The following NR5A2 variants were observed in gnomAD, a reference collection of about 807,000 sequenced individuals.
The protein encoded by NR5A2 is CYP7A promoter-binding factor.
Under a neutral mutation model 62.7 loss-of-function variants are expected in NR5A2, and 26 were observed. The observed-to-expected ratio is 0.41, with a 90% CI of 0.30 to 0.58. The LOEUF is 0.58. Among genes scored for constraint, NR5A2 ranks in the 20% least tolerant of loss-of-function variants. The probability of loss-of-function intolerance (pLI) is 0.22; values close to 1 mark genes in which losing one functional copy is unlikely to be tolerated. For synonymous variants in NR5A2, 246 were observed against 241.7 expected (o/e 1.02, Z -0.16); for missense variants, 541 against 669.1 (o/e 0.81, Z 2.11).
chr1:200,045,465 A>G lies in NR5A2; in HGVS notation c.344A>G (p.Gln115Arg). The change falls in exon 4 of 8, where the codon CAA becomes CGA. Residue 115 changes from glutamine to arginine, a missense_variant. By Grantham distance (43) the Gln-to-Arg change is conservative (BLOSUM62 1). This residue lies in a region of NR5A2 where 54 missense variants were observed against 123.8 expected (regional missense o/e 0.44). Transcript: ENST00000367362. ...SCKGFFKRTV[Q>R]NNKRYTCIEN... The stretch of plus-strand genomic sequence containing the variant: ...TAGGGATTTTTTAAGCGAACAGTCC[A>G]AAATAATAAAAGGTACACATGTATA... 1 of 1,610,126 alleles carries G rather than the reference A, an allele frequency of 6.2e-7. No homozygotes were observed.
chr1:200,122,435 A>G (rs1057022118), intron 7 of NR5A2, among the ~76,000 whole-genome samples: 11 of 152,208 alleles, frequency 7.2e-5, no homozygotes, highest in African/African-American at 2.7e-4. Context: ...TCTCATTTCA[A>G]TGGTATTTTA....
chr1:200,040,839 C>T (rs906231123), intron 2 of NR5A2, among the ~76,000 whole-genome samples: 8 of 152,320 alleles, frequency 5.3e-5, no homozygotes, highest in Admixed American at 3.3e-4. Flanking sequence ...CTGTAGTCGC[C>T]CTACCGCGGA....
chr1:200,078,490 C>A (rs1337005324), intron 5 of NR5A2, among the ~76,000 whole-genome samples: 1 of 152,210 alleles, frequency 6.6e-6, no homozygotes, highest in Non-Finnish European at 1.5e-5. Context: ...CTAGACCCAA[C>A]AGAGAATACT....
At chr1:200,143,663 G>C (rs1487044280) in intron 7 of NR5A2, among the ~76,000 whole-genome samples, 2 of 123,448 alleles carry the variant, frequency 1.6e-5, no homozygotes. Context: ...TTTTTTTTGA[G>C]ATGGAGTCTC....
chr1:200,137,891 G>A (rs576347314), intron 7 of NR5A2, among the ~76,000 whole-genome samples: 1 of 152,212 alleles, frequency 6.6e-6, no homozygotes, highest in African/African-American at 2.4e-5. Flanking sequence ...TATCAAAAGG[G>A]ATTGGGGTCC....
intron 7 of NR5A2, among the ~76,000 whole-genome samples, chr1:200,137,736 G>T (rs1235534595): frequency 6.6e-6 from 1 of 152,116 alleles, no homozygotes; most frequent in Non-Finnish European, 1.5e-5. Flanking sequence ...TTCTTAGTAT[G>T]TTTCTGATAT....
At chr1:200,037,471 G>A (rs1437705775) in intron 1 of NR5A2, among the ~76,000 whole-genome samples, 3 of 152,162 alleles carry the variant, frequency 2.0e-5, no homozygotes, top group Non-Finnish European at 2.9e-5. Context: ...TGCTGTGGGA[G>A]GAGGTTCTTC....
intron 5 of NR5A2, among the ~76,000 whole-genome samples, chr1:200,092,634 T>C (rs564490341): frequency 3.9e-5 from 6 of 152,254 alleles, no homozygotes; most frequent in Non-Finnish European, 8.8e-5. Flanking sequence ...TGGATGTTTT[T>C]ACATCCTCAT....
chr1:200,135,521 C>CAAA (rs565158746), intron 7 of NR5A2, among the ~76,000 whole-genome samples: 1 of 103,286 alleles, frequency 9.7e-6, no homozygotes, highest in Admixed American at 1.1e-4. Context: ...ACTTCATCTC[C>CAAA]AAAAAAAAAA....
intron 7 of NR5A2, among the ~76,000 whole-genome samples, chr1:200,125,876 T>G (rs1202757860): frequency 6.6e-6 from 1 of 152,172 alleles, no homozygotes. Context: ...AGAGACAGGG[T>G]CCTGCTCTGT....
At chr1:200,108,245 T>G (rs571816414) in intron 5 of NR5A2, among the ~76,000 whole-genome samples, 42 of 151,894 alleles carry the variant, frequency 2.8e-4, no homozygotes, top group African/African-American at 9.2e-4. Context: ...CCACCACACT[T>G]AGCTAATTTT....
At position 200,039,839 on chromosome 1, in the gene NR5A2, AC is replaced by A; in HGVS notation, c.202+49del. ...GCGCTCCGGCTCCCGCTGCTTCCCC[AC>A]CCCCGGGCTCGCCCTGCAGGCTTCA... is the stretch of plus-strand genomic sequence containing the variant. On this transcript the variant is annotated intron_variant, in intron 2 of 7. Coordinates refer to ENST00000367362, the MANE Select transcript of NR5A2 (RefSeq NM_205860.3). This position sits in a 1 kb window ranked among gnomAD's most constrained non-coding sequence, Gnocchi z 5.1. The A allele has an allele frequency of 1.3e-6, 2 of 1,563,072 alleles. No homozygotes were observed. Among genetic ancestry groups the A allele is most frequent in the African/African-American group, 1.4e-5 (1 of 70,624 alleles).
chr1:200,067,528 C>A (rs1380659175), intron 5 of NR5A2, among the ~76,000 whole-genome samples: 1 of 152,068 alleles, frequency 6.6e-6, no homozygotes, highest in Non-Finnish European at 1.5e-5. Context: ...TGCACTCCAG[C>A]CTGGGCAACA....
rs916131401 is a variant in NR5A2, at chr1:200,047,841, G to A, written c.464-331G>A. Reference sequence around the variant, plus strand: ...GATCCACCCGCCTTGGCCTCCCAAAGTGCAGGGATTACAGGTGTGAGCCAC... The same window carrying A: ...GATCCACCCGCCTTGGCCTCCCAAAATGCAGGGATTACAGGTGTGAGCCAC... On this transcript the variant is annotated intron_variant, in intron 4 of 7. Transcript: ENST00000367362. Among the ~76,000 whole-genome samples the A allele has an allele frequency of 3.3e-5, 5 of 152,140 alleles. No homozygotes were observed. In the East Asian group the frequency reaches 7.7e-4, roughly 24 times the overall value.
At chr1:200,038,084 G>A (rs1013902105) in intron 1 of NR5A2, among the ~76,000 whole-genome samples, 2 of 152,220 alleles carry the variant, frequency 1.3e-5, no homozygotes, top group Admixed American at 6.5e-5. Flanking sequence ...TCAGGAGGCT[G>A]GAAAGAATGT....
chr1:200,081,092 T>C lies in NR5A2; in HGVS notation c.1111-30110T>C, dbSNP rs534379952. Among the ~76,000 whole-genome samples, 4 of 152,320 alleles carry C rather than the reference T, an allele frequency of 2.6e-5. 2 individuals carry two copies. Among genetic ancestry groups the C allele is most frequent in the African/African-American group, 9.6e-5 (4 of 41,564 alleles). On this transcript the variant is annotated intron_variant, in intron 5 of 7. Transcript: ENST00000367362. ...GAATCACCAGTTACATTGAGTTGAA[T>C]GAGGAGCATTAGCCGTCAAAAGAAT...
chr1:200,077,407 G>C (rs1250343646), intron 5 of NR5A2, among the ~76,000 whole-genome samples: 1 of 152,198 alleles, frequency 6.6e-6, no homozygotes, highest in Non-Finnish European at 1.5e-5. Flanking sequence ...ATTAATTGCG[G>C]TTTTTGCCAT....
chr1:200,078,883 C>T (rs1273226274), intron 5 of NR5A2, among the ~76,000 whole-genome samples: 2 of 152,148 alleles, frequency 1.3e-5, no homozygotes, highest in African/African-American at 4.8e-5. Context: ...TTTACCTTTA[C>T]AATAATAGCT....
At chr1:200,043,929 C>A (rs1662238893) in intron 3 of NR5A2, 37 bp downstream of exon 3, 2 of 1,338,540 alleles carry the variant, frequency 1.5e-6, no homozygotes, top group Non-Finnish European at 1.1e-6. Context: ...AATATAATGT[C>A]CAACACCAAA....
Sources: gnomAD v4.1 joint callset for allele counts (sites outside exome capture counted in the v4.1 genomes callset) on GRCh38, gnomAD v4.1.1 for gene constraint, gnomAD v4.1.1 regional missense constraint, Gnocchi (gnomAD v3.1) non-coding constraint, MANE v1.5 for transcripts, NCBI Gene and HGNC (gene_info 2026-07-23, HGNC 2026-07-21) for gene names.